Variants in TMPRSS15 observed in about 807,000 individuals in gnomAD.
The protein encoded by TMPRSS15 is transmembrane serine protease 15.
Under a neutral mutation model 125.3 loss-of-function variants are expected in TMPRSS15, and 128 were observed. That is an observed-to-expected ratio of 1.02 (90% CI 0.89 to 1.18). The LOEUF (loss-of-function observed/expected upper bound fraction) is 1.18, where lower values mean the gene tolerates loss of function less well. Ranked by LOEUF, TMPRSS15 falls within the 50% of genes most tolerant of loss-of-function variation. The pLI is 0.00. For missense variants in TMPRSS15, 1,283 were observed against 1,212.7 expected (o/e 1.06, Z -0.86); for synonymous variants, 446 against 423.2 (o/e 1.05, Z -0.66).
intron 7 of TMPRSS15, among the ~76,000 whole-genome samples, chr21:18,363,804 T>C (rs2147029586): frequency 6.6e-6 from 1 of 152,210 alleles, no homozygotes; most frequent in East Asian, 1.9e-4. Context: ...ATTCTCCAAC[T>C]TGGTTAATTT....
At chr21:18,390,067 G>A (rs551782890) in intron 3 of TMPRSS15, among the ~76,000 whole-genome samples, 1 of 152,212 alleles carries the variant, frequency 6.6e-6, no homozygotes, top group South Asian at 2.1e-4. Flanking sequence ...TCCTCAACAT[G>A]CTACGTTATT....
chr21:18,414,413 TATC>T (rs2076175280), intron 1 of TMPRSS15, among the ~76,000 whole-genome samples: 1 of 152,204 alleles, frequency 6.6e-6, no homozygotes, highest in African/African-American at 2.4e-5. Context: ...AAATGCACAA[TATC>T]ATATTGTTAA....
chr21:18,403,727 C>T lies in TMPRSS15; in HGVS notation c.-105G>A. On this transcript the variant is annotated 5_prime_UTR_variant, in exon 1 of 25. Coordinates refer to ENST00000284885, the MANE Select transcript of TMPRSS15 (RefSeq NM_002772.3). Reference sequence around the variant, plus strand: ...AAATTTTTAAAGATGTGTAAAGCAACAACCACCTGTCTACATGCATACCAG... The same window carrying T: ...AAATTTTTAAAGATGTGTAAAGCAATAACCACCTGTCTACATGCATACCAG... The T allele has an allele frequency of 7.0e-7, 1 of 1,433,336 alleles. No individual in the cohort carries two copies. The highest frequency in any genetic ancestry group is 9.7e-7 in the Non-Finnish European group (1 of 1,035,770). 88.8% of individuals were successfully genotyped at this position (1,433,336 alleles called of 1,614,324 possible).
chr21:18,285,502 T>C (rs770337820), intron 21 of TMPRSS15, among the ~76,000 whole-genome samples: 6 of 152,216 alleles, frequency 3.9e-5, no homozygotes, highest in Non-Finnish European at 8.8e-5. Context: ...CCAACACTGA[T>C]GTTTACACCC....
chr21:18,387,612 TACACACACACACAC>T (rs57708622), intron 3 of TMPRSS15, among the ~76,000 whole-genome samples: 1,793 of 145,200 alleles, frequency 0.012, 27 homozygotes, highest in African/African-American at 0.032. Context: ...CACACACACA[TACACACACACACAC>T]ACACACACAC....
chr21:18,447,439 C>CAAAAAAA (rs57558994), intron 1 of TMPRSS15, among the ~76,000 whole-genome samples: 4 of 88,106 alleles, frequency 4.5e-5, no homozygotes, highest in Admixed American at 1.4e-4. Flanking sequence ...GACTTCAACT[C>CAAAAAAA]AAAAAAAAAA....
intron 1 of TMPRSS15, among the ~76,000 whole-genome samples, chr21:18,482,077 T>G (rs1298473438): frequency 2.7e-5 from 4 of 150,022 alleles, no homozygotes; most frequent in East Asian, 1.9e-4. Context: ...ATTATTTCAA[T>G]TATTTTATAT....
chr21:18,402,664 T>A (rs1382012714), intron 1 of TMPRSS15, among the ~76,000 whole-genome samples: 1 of 152,204 alleles, frequency 6.6e-6, no homozygotes, highest in Admixed American at 6.5e-5. Flanking sequence ...TTCAATTTTT[T>A]AAATTTACCC....
Position 18,280,582 on chromosome 21 carries a change from A to AACAAAAAAAC in TMPRSS15, c.2668+457_2668+458insGTTTTTTTGT, listed in dbSNP as rs1200964713. 5.1e-5 allele frequency among the ~76,000 whole-genome samples: 7 copies of AACAAAAAAAC among 138,532 alleles called. 1 individual carries two copies. The highest frequency in any genetic ancestry group is 2.3e-4 in the African/African-American group (7 of 30,058). The allele number at this position is 138,532 out of a possible 152,430, so 90.9% of individuals were successfully genotyped here. On this transcript the variant is annotated intron_variant, in intron 22 of 24. Transcript: ENST00000284885. ...CAGAGCGAGACTCCGTCTCAAAAAA[A>AACAAAAAAAC]AAAAAAAAAAAAACAACAAAACAAC...
At chr21:18,350,991 T>G (rs1233350188) in intron 10 of TMPRSS15, among the ~76,000 whole-genome samples, 1 of 152,076 alleles carries the variant, frequency 6.6e-6, no homozygotes, top group African/African-American at 2.4e-5. Flanking sequence ...CTATTTTTAT[T>G]AAGTTGAAAT....
In TMPRSS15 at chr21:18,446,686, A is replaced by G. The variant is rs557065304; in HGVS notation, c.10+39113T>C. The stretch of plus-strand genomic sequence containing the variant: ...CAACAGGCACGGAAAACACACATTA[A>G]GGAAAAAGACAGTCTCTTCAATAAA... On this transcript the variant is annotated intron_variant, in intron 1 of 7. Coordinates refer to the TMPRSS15 transcript ENST00000422787. Among the ~76,000 whole-genome samples the G allele has an allele frequency of 2.0e-5, 3 of 152,334 alleles. No homozygotes were observed. In the South Asian group the frequency reaches 6.2e-4, roughly 32 times the overall value.
At chr21:18,444,421 G>A (rs946972008) in intron 1 of TMPRSS15, among the ~76,000 whole-genome samples, 1 of 152,088 alleles carries the variant, frequency 6.6e-6, no homozygotes, top group East Asian at 1.9e-4. Context: ...CTCATAAGTG[G>A]GAGTTGGACA....
chr21:18,382,895 TTTA>T (rs960531677), intron 4 of TMPRSS15, among the ~76,000 whole-genome samples: 1 of 152,186 alleles, frequency 6.6e-6, no homozygotes, highest in Non-Finnish European at 1.5e-5. Flanking sequence ...AATCGTATTT[TTTA>T]TTATTTTTGA....
At chr21:18,278,936 T>C in intron 23 of TMPRSS15, 28 bp downstream of exon 23, 1 of 922,996 alleles carries the variant, frequency 1.1e-6, no homozygotes. Context: ...TTTTTTTTTT[T>C]TTTTTTTTTT....
intron 7 of TMPRSS15, among the ~76,000 whole-genome samples, chr21:18,360,468 A>C (rs2075669752): frequency 6.6e-6 from 1 of 152,004 alleles, no homozygotes; most frequent in Non-Finnish European, 1.5e-5. Flanking sequence ...TCTATTTTTA[A>C]TTTTTTGAGG....
At chr21:18,409,964 T>G in intron 1 of TMPRSS15, among the ~76,000 whole-genome samples, 1 of 147,712 alleles carries the variant, frequency 6.8e-6, no homozygotes, top group African/African-American at 2.5e-5. Context: ...CCTTCTTAGG[T>G]ATATTCACAT....
intron 5 of TMPRSS15, among the ~76,000 whole-genome samples, chr21:18,373,861 C>A (rs1258613868): frequency 2.6e-5 from 4 of 152,090 alleles, no homozygotes; most frequent in Non-Finnish European, 1.5e-5. Context: ...CATTTATTGA[C>A]CCCACAAGTA....
intron 24 of TMPRSS15, 100 bp downstream of exon 24, chr21:18,275,097 A>G: frequency 6.8e-7 from 1 of 1,470,924 alleles, no homozygotes; most frequent in South Asian, 1.2e-5. Flanking sequence ...GAGAAATGAA[A>G]GAAGCTTATT....
chr21:18,408,427 T>C (rs957590283), upstream of TMPRSS15, among the ~76,000 whole-genome samples: 2 of 152,178 alleles, frequency 1.3e-5, no homozygotes, highest in Non-Finnish European at 1.5e-5. Context: ...AGAAAATATG[T>C]ATTCTTCGTC....
Sources: gnomAD v4.1 joint callset for allele counts (sites outside exome capture counted in the v4.1 genomes callset) on GRCh38, gnomAD v4.1.1 for gene constraint, MANE v1.5 for transcripts, NCBI Gene and HGNC (gene_info 2026-07-23, HGNC 2026-07-21) for gene names.